The following TNR variants were observed in gnomAD, a reference collection of about 807,000 sequenced individuals.
TNR encodes tenascin R.
In TNR, 45 loss-of-function variants were observed where a neutral mutation model predicts 150.4. The observed-to-expected ratio is 0.30, with a 90% CI of 0.24 to 0.38. The LOEUF (loss-of-function observed/expected upper bound fraction) is 0.38. TNR is among the 10% of genes least tolerant of loss of function. The pLI is 1.00. For synonymous variants in TNR, 687 were observed against 678.4 expected (o/e 1.01, Z -0.20); for missense variants, 1,544 against 1,759.1 (o/e 0.88, Z 2.19).
chr1:175,575,643 G>A (rs1662074938), intron 1 of TNR, among the ~76,000 whole-genome samples: 1 of 152,202 alleles, frequency 6.6e-6, no homozygotes, highest in Non-Finnish European at 1.5e-5. Context: ...AGTGAGGAAA[G>A]ACTTTGTGGA....
intron 2 of TNR, among the ~76,000 whole-genome samples, chr1:175,456,978 C>T (rs750701328): frequency 1.3e-5 from 2 of 152,142 alleles, no homozygotes; most frequent in Non-Finnish European, 2.9e-5. Context: ...TTCAATCCTG[C>T]CTCTAGCTGC....
intron 2 of TNR, among the ~76,000 whole-genome samples, chr1:175,440,039 G>T (rs2102079932): frequency 6.6e-6 from 1 of 152,262 alleles, no homozygotes; most frequent in Admixed American, 6.5e-5. Context: ...ATACCCAAAG[G>T]ATTATAAATC....
In TNR at chr1:175,359,748, T is replaced by C. The variant is rs1217540350; in HGVS notation, c.2855-17A>G. On this transcript the variant is annotated splice_polypyrimidine_tract_variant and intron_variant, in intron 14 of 22. Transcript: ENST00000367674. Reference sequence around the variant, plus strand: ...TGTCCATGGCTGAAACAGAATAGATTATCAGTTACAGATAAGAGGAGCTGC... The same window carrying C: ...TGTCCATGGCTGAAACAGAATAGATCATCAGTTACAGATAAGAGGAGCTGC... 3 of 1,596,206 alleles carry C rather than the reference T, an allele frequency of 1.9e-6. No individual in the cohort carries two copies. Among genetic ancestry groups the C allele is most frequent in the Admixed American group, 1.7e-5 (1 of 58,122 alleles).
chr1:175,564,205 T>C (rs1661546312), intron 1 of TNR, among the ~76,000 whole-genome samples: 1 of 152,218 alleles, frequency 6.6e-6, no homozygotes, highest in Admixed American at 6.5e-5. Context: ...GAAAATGAAT[T>C]GTACCTGTGT....
chr1:175,742,783 C>G (rs545475101), intron 1 of TNR, among the ~76,000 whole-genome samples: 2 of 152,328 alleles, frequency 1.3e-5, no homozygotes, highest in South Asian at 4.1e-4. Context: ...TCCCAACCCC[C>G]CAGGCTTCCT....
intron 1 of TNR, among the ~76,000 whole-genome samples, chr1:175,610,074 T>C (rs1372298233): frequency 6.6e-6 from 1 of 152,198 alleles, no homozygotes; most frequent in Non-Finnish European, 1.5e-5. Context: ...AGAAACCTGA[T>C]TCAAGACAGA....
intron 1 of TNR, among the ~76,000 whole-genome samples, chr1:175,562,827 G>C (rs1361722621): frequency 6.6e-6 from 1 of 152,316 alleles, no homozygotes; most frequent in Admixed American, 6.5e-5. Context: ...TCTCTGCCAG[G>C]CTCCAAACAC....
chr1:175,553,709 G>C (rs1043500099), intron 1 of TNR, among the ~76,000 whole-genome samples: 1 of 151,910 alleles, frequency 6.6e-6, no homozygotes, highest in African/African-American at 2.4e-5. Context: ...GAATGAATTT[G>C]TTAGGGGACT....
Position 175,444,723 on chromosome 1 carries a change from T to C in TNR, c.-63-37946A>G, listed in dbSNP as rs547346598. 6.6e-5 allele frequency among the ~76,000 whole-genome samples: 10 copies of C among 152,304 alleles called. No individual in the cohort carries two copies. In the East Asian group the frequency reaches 1.9e-3, roughly 29 times the overall value. On this transcript the variant is annotated intron_variant, in intron 2 of 22. Transcript: ENST00000367674. ...GTAAAGCCACACAACCAGACAACTC[T>C]AAATTGTAATTGATGACTTGGAGAA...
chr1:175,570,798 AC>A (rs1314319331), intron 1 of TNR, among the ~76,000 whole-genome samples: 1 of 152,156 alleles, frequency 6.6e-6, no homozygotes, highest in Non-Finnish European at 1.5e-5. Flanking sequence ...ATTGCAAAAA[AC>A]AAAACTCACT....
chr1:175,397,566 A>G (rs752139894), intron 4 of TNR, among the ~76,000 whole-genome samples: 1 of 152,236 alleles, frequency 6.6e-6, no homozygotes, highest in Non-Finnish European at 1.5e-5. Context: ...GAGAAGCCAA[A>G]ACAGTAAGTC....
rs1040371483 is a variant in TNR, at chr1:175,319,100, G to T, written c.*4257C>A. ...AAGAAATCAGATTGACTAGTATTCT[G>T]GTGATAAGAAAGCAAGCAGTAGAAT... On this transcript the variant is annotated 3_prime_UTR_variant, in exon 23 of 23. Coordinates refer to ENST00000367674, the MANE Select transcript of TNR (RefSeq NM_003285.3). 1.3e-5 allele frequency: 2 copies of T among 152,144 alleles called. No homozygotes were observed. Among genetic ancestry groups the T allele is most frequent in the Non-Finnish European group, 2.9e-5 (2 of 68,042 alleles). 9.4% of individuals were successfully genotyped at this position (152,144 alleles called of 1,614,324 possible).
intron 2 of TNR, among the ~76,000 whole-genome samples, chr1:175,514,132 T>C (rs906184252): frequency 1.3e-5 from 2 of 152,218 alleles, no homozygotes; most frequent in Non-Finnish European, 2.9e-5. Flanking sequence ...AGGTTGCTCA[T>C]CAGCTGACCT....
chr1:175,493,825 T>G (rs1224117018), intron 2 of TNR, among the ~76,000 whole-genome samples: 1 of 152,166 alleles, frequency 6.6e-6, no homozygotes, highest in African/African-American at 2.4e-5. Context: ...TGGCCACAAA[T>G]AGCTGCACCG....
chr1:175,383,293 C>A (rs1024836973), intron 8 of TNR, among the ~76,000 whole-genome samples: 1 of 152,210 alleles, frequency 6.6e-6, no homozygotes, highest in African/African-American at 2.4e-5. Flanking sequence ...GAGCACAATT[C>A]AACCTATAAT....
intron 2 of TNR, among the ~76,000 whole-genome samples, chr1:175,520,027 T>A (rs754056601): frequency 6.6e-6 from 1 of 152,214 alleles, no homozygotes; most frequent in Non-Finnish European, 1.5e-5. Context: ...GATTTTCTTA[T>A]CTATAAAATG....
At chr1:175,373,533 G>A (rs1482062176) in intron 9 of TNR, among the ~76,000 whole-genome samples, 1 of 152,196 alleles carries the variant, frequency 6.6e-6, no homozygotes, top group African/African-American at 2.4e-5. Context: ...TGATGTTCAA[G>A]TTTCAAGAGA....
intron 1 of TNR, among the ~76,000 whole-genome samples, chr1:175,531,049 C>T (rs1179241451): frequency 6.6e-6 from 1 of 152,142 alleles, no homozygotes. Flanking sequence ...GGGCATGCAC[C>T]TCCAAAGTGA....
chr1:175,406,694 T>G lies in TNR; in HGVS notation c.21A>C (p.Thr7=), dbSNP rs199980522. Residue 7 remains threonine (T), a synonymous_variant, in exon 3 of 23, where the codon ACA becomes ACC. Transcript: ENST00000367674. Reference sequence around the variant, plus strand: ...CAATGAGCATGTTCTTCAGAACCACTGTTTCCCCATCTGCCCCCATCCTCT... The same window carrying G: ...CAATGAGCATGTTCTTCAGAACCACGGTTTCCCCATCTGCCCCCATCCTCT... The part of the protein sequence containing the change: MGADGE[T]VVLKNMLIGI... 8.1e-4 allele frequency: 1,307 copies of G among 1,614,098 alleles called. 7 individuals carry two copies. The highest frequency in any genetic ancestry group is 1.5e-4 in the Non-Finnish European group (181 of 1,179,982).
Sources: gnomAD v4.1 joint callset for allele counts (sites outside exome capture counted in the v4.1 genomes callset) on GRCh38, gnomAD v4.1.1 for gene constraint, MANE v1.5 for transcripts, NCBI Gene and HGNC (gene_info 2026-07-23, HGNC 2026-07-21) for gene names.